The following TPRG1 variants were observed in gnomAD, a reference collection of about 807,000 sequenced individuals.
The protein encoded by TPRG1 is tumor protein p63 regulated 1.
A neutral mutation model predicts 29.3 loss-of-function variants in TPRG1; 29 were observed. The observed-to-expected ratio is 0.99, with a 90% CI of 0.74 to 1.35. The LOEUF is 1.35. Among genes scored for constraint, TPRG1 ranks in the 40% most tolerant of loss-of-function variants. The probability of loss-of-function intolerance (pLI) is 0.00; values close to 1 mark genes in which losing one functional copy is unlikely to be tolerated. For synonymous variants in TPRG1, 130 were observed against 116.8 expected (o/e 1.11, Z -0.73); for missense variants, 327 against 335.0 (o/e 0.98, Z 0.19).
rs575536545 is a variant in TPRG1 at position 189,237,923 on chromosome 3, G to A, written c.303-810G>A. 1.1e-3 allele frequency among the ~76,000 whole-genome samples: 172 copies of A among 152,314 alleles called. 1 individual carries two copies. The highest frequency in any genetic ancestry group is 3.7e-3 in the African/African-American group (153 of 41,578). On this transcript the variant is annotated intron_variant, in intron 3 of 5. Transcript: ENST00000345063. Reference sequence around the variant, plus strand: ...GAAGTGCTGTATCCTAAAGGCTACAGTAGGCAGATAGCAAAAGTGCTGTCG... The same window carrying A: ...GAAGTGCTGTATCCTAAAGGCTACAATAGGCAGATAGCAAAAGTGCTGTCG...
At position 189,296,319 on chromosome 3, in the gene TPRG1, A is replaced by G. The variant is rs1265804721; in HGVS notation, c.480-14067A>G. Among the ~76,000 whole-genome samples the G allele has an allele frequency of 5.9e-5, 9 of 152,368 alleles. No homozygotes were observed. The South Asian group carries it at 1.9e-3, about 32-fold the overall frequency. On this transcript the variant is annotated intron_variant, in intron 4 of 5. Coordinates refer to ENST00000345063, the MANE Select transcript of TPRG1 (RefSeq NM_198485.4). ...ACAATGTAGTTTAGCAGAAGCAGGT[A>G]TGAAAAAGCTTAGAAATTAGAAATT...
intron 1 of TPRG1, among the ~76,000 whole-genome samples, chr3:189,118,527 G>GC (rs1721444251): frequency 6.6e-6 from 1 of 152,160 alleles, no homozygotes; most frequent in South Asian, 2.1e-4. Flanking sequence ...CTTCACAGCA[G>GC]CCCCACCTGT....
At chr3:189,004,804 C>T (rs997579076) in intron 3 of TPRG1, 1 of 152,096 alleles carries the variant, frequency 6.6e-6, no homozygotes, top group African/African-American at 2.4e-5. Context: ...GGGATTTAAC[C>T]TCAGAAGCTT....
At chr3:189,005,906 T>C (rs557976888) in intron 3 of TPRG1, among the ~76,000 whole-genome samples, 1 of 152,036 alleles carries the variant, frequency 6.6e-6, no homozygotes. Flanking sequence ...ATGAAGCATG[T>C]AACAGAAAAT....
intron 4 of TPRG1, 81 bp from the exon 5 acceptor site, chr3:189,310,305 G>T: frequency 8.0e-7 from 1 of 1,255,836 alleles, no homozygotes; most frequent in Non-Finnish European, 1.1e-6. Flanking sequence ...TTAATATGAA[G>T]GCTGACTGAT....
intron 1 of TPRG1, among the ~76,000 whole-genome samples, chr3:189,188,031 C>T (rs1731185831): frequency 6.6e-6 from 1 of 152,138 alleles, no homozygotes; most frequent in African/African-American, 2.4e-5. Context: ...ATTGGCTGAA[C>T]TCCCAAATGG....
At chr3:189,176,036 T>C (rs1006793185) in intron 1 of TPRG1, among the ~76,000 whole-genome samples, 3 of 152,310 alleles carry the variant, frequency 2.0e-5, no homozygotes, top group Admixed American at 6.5e-5. Context: ...ATATGCATGC[T>C]CCACTGTGTT....
intron 5 of TPRG1, among the ~76,000 whole-genome samples, chr3:189,317,497 C>A (rs908268852): frequency 1.1e-4 from 16 of 152,310 alleles, no homozygotes; most frequent in African/African-American, 3.8e-4. Flanking sequence ...CACTTTATTT[C>A]ACTTAATCTT....
intron 4 of TPRG1, among the ~76,000 whole-genome samples, chr3:189,094,711 C>T (rs60571853): frequency 0.047 from 7,090 of 152,150 alleles, 539 homozygotes; most frequent in African/African-American, 0.16. Context: ...GCAGCCAATC[C>T]CAAAAAGAGG....
At chr3:189,031,702 GT>G (rs1713943556) in intron 4 of TPRG1, among the ~76,000 whole-genome samples, 1 of 152,170 alleles carries the variant, frequency 6.6e-6, no homozygotes, top group African/African-American at 2.4e-5. Context: ...GAGACGGTTG[GT>G]GATTCACTCT....
chr3:189,153,117 T>C (rs1423624801), intron 5 of TPRG1, among the ~76,000 whole-genome samples: 1 of 152,172 alleles, frequency 6.6e-6, no homozygotes, highest in African/African-American at 2.4e-5. Flanking sequence ...GTAAGTGGAG[T>C]TGGAAATTAT....
intron 4 of TPRG1, among the ~76,000 whole-genome samples, chr3:189,029,757 T>A (rs772497255): frequency 6.6e-6 from 1 of 152,102 alleles, no homozygotes; most frequent in Non-Finnish European, 1.5e-5. Context: ...CTTGGTGCCA[T>A]CCCCTGGATA....
chr3:189,255,764 G>T (rs934479953), intron 4 of TPRG1, among the ~76,000 whole-genome samples: 1 of 152,134 alleles, frequency 6.6e-6, no homozygotes, highest in Non-Finnish European at 1.5e-5. Context: ...GGGTGTATGT[G>T]TCCAGGAATT....
chr3:189,051,327 C>G (rs1293563617), intron 4 of TPRG1, among the ~76,000 whole-genome samples: 1 of 152,078 alleles, frequency 6.6e-6, no homozygotes, highest in African/African-American at 2.4e-5. Context: ...AACTCAGCCC[C>G]TTTTACAAGC....
At chr3:189,107,306 A>C (rs1308455951) in intron 1 of TPRG1, among the ~76,000 whole-genome samples, 2 of 152,194 alleles carry the variant, frequency 1.3e-5, no homozygotes, top group African/African-American at 4.8e-5. Flanking sequence ...TTAAAGGCAG[A>C]AAACAGTTTT....
chr3:189,150,765 G>A (rs959706088), exon 5 of TPRG1: 4 of 152,148 alleles, frequency 2.6e-5, no homozygotes, highest in Non-Finnish European at 5.9e-5. Flanking sequence ...AAAAATGAGC[G>A]AGGTGGTGAA....
chr3:189,219,730 C>A (rs949431919), intron 3 of TPRG1: 1 of 1,223,142 alleles, frequency 8.2e-7, no homozygotes, highest in African/African-American at 1.6e-5. Flanking sequence ...CTTCCCTCCA[C>A]ACACGTTAGT....
At chr3:189,016,209 T>G (rs994786832) in intron 3 of TPRG1, among the ~76,000 whole-genome samples, 5 of 152,146 alleles carry the variant, frequency 3.3e-5, no homozygotes, top group African/African-American at 1.2e-4. Flanking sequence ...GAGATTATTT[T>G]GGAACTTTAA....
intron 1 of TPRG1, among the ~76,000 whole-genome samples, chr3:189,184,679 A>G (rs897629625): frequency 1.3e-5 from 2 of 152,210 alleles, no homozygotes; most frequent in African/African-American, 2.4e-5. Flanking sequence ...TGTTGTCCTC[A>G]TTAAAATCTT....
Sources: allele counts gnomAD v4.1 joint callset (sites outside exome capture counted in the v4.1 genomes callset), GRCh38; gene constraint gnomAD v4.1.1; transcripts MANE v1.5; gene names NCBI Gene and HGNC (gene_info 2026-07-23, HGNC 2026-07-21).